The following NRP2 variants were observed in gnomAD, a reference collection of about 807,000 sequenced individuals.
NRP2 encodes the protein neuropilin-2.
A neutral mutation model predicts 110.4 loss-of-function variants in NRP2; 52 were observed. That is an observed-to-expected ratio of 0.47 (90% CI 0.38 to 0.59). The LOEUF is 0.59. NRP2 is among the 20% of genes least tolerant of loss of function. The pLI is 0.00. For synonymous variants in NRP2, 508 were observed against 468.9 expected (o/e 1.08, Z -1.08); for missense variants, 1,049 against 1,203.0 (o/e 0.87, Z 1.89).
Position 205,752,890 on chromosome 2 carries a change from G to A in NRP2, c.1959G>A (p.Glu653=), listed in dbSNP as rs752574768. 2 of 1,614,104 alleles carry A rather than the reference G, an allele frequency of 1.2e-6. No homozygotes were observed. The highest frequency in any genetic ancestry group is 2.7e-5 in the African/African-American group (2 of 74,930). ...ATTGCAACTTCGATTTCCTCGAGGA[G>A]CCCTGTGGTTGGATGTATGACCATG... ...GFNCNFDFLE[E]PCGWMYDHAK... Residue 653 remains glutamate, a synonymous_variant, in exon 12 of 17, where the codon GAG becomes GAA. Transcript: ENST00000357785.
chr2:205,754,496 C>T (rs1354677446), intron 12 of NRP2, among the ~76,000 whole-genome samples: 1 of 152,160 alleles, frequency 6.6e-6, no homozygotes, highest in African/African-American at 2.4e-5. Context: ...ATCACCACAG[C>T]CTCAGGCAAA....
chr2:205,777,022 G>T (rs978938824), intron 15 of NRP2: 8 of 1,025,212 alleles, frequency 7.8e-6, no homozygotes, highest in Non-Finnish European at 9.4e-6. Flanking sequence ...GTGTTTGGGC[G>T]AGGGGTGAGT....
chr2:205,764,088 C>T, intron 13 of NRP2, 152 bp downstream of exon 13: 1 of 959,152 alleles, frequency 1.0e-6, no homozygotes, highest in Non-Finnish European at 1.5e-6. Context: ...ATTTGTTATT[C>T]AGAATATGCC....
chr2:205,733,352 A>G (rs1449663583), intron 7 of NRP2, among the ~76,000 whole-genome samples: 2 of 152,188 alleles, frequency 1.3e-5, no homozygotes, highest in Non-Finnish European at 2.9e-5. Context: ...GAGGCCAGTG[A>G]CAAGGAGCAC....
intron 3 of NRP2, 119 bp downstream of exon 3, chr2:205,716,493 G>A (rs2056898786): frequency 1.0e-6 from 1 of 955,698 alleles, no homozygotes; most frequent in Non-Finnish European, 1.6e-6. Flanking sequence ...TGAGCATGGT[G>A]AGAGGTTCAA....
intron 15 of NRP2, among the ~76,000 whole-genome samples, chr2:205,788,402 G>A (rs1431578446): frequency 2.6e-5 from 4 of 152,186 alleles, no homozygotes; most frequent in Admixed American, 1.3e-4. Flanking sequence ...GCTGGGGAAG[G>A]GATGGGTGTT....
chr2:205,794,896 C>G lies in NRP2; in HGVS notation c.2619C>G (p.Leu873=). The stretch of plus-strand genomic sequence containing the variant: ...TCGCCATGAGCTCACTGGGCGTCCT[C>G]CTGGGGGCCACCTGTGCAGGCCTCC... The part of the protein sequence containing the change: ...TIIAMSSLGV[L]LGATCAGLLL... Residue 873 remains leucine, a synonymous_variant, in exon 17 of 17, where the codon CTC becomes CTG. Transcript: ENST00000357785. 1 of 1,614,192 alleles carries G rather than the reference C, an allele frequency of 6.2e-7. No homozygotes were observed. Among genetic ancestry groups the G allele is most frequent in the Non-Finnish European group, 8.5e-7 (1 of 1,180,034 alleles).
At chr2:205,693,990 T>C (rs1296644031) in intron 1 of NRP2, among the ~76,000 whole-genome samples, 1 of 152,246 alleles carries the variant, frequency 6.6e-6, no homozygotes, top group Non-Finnish European at 1.5e-5. Context: ...GCAGACCAGA[T>C]TTTTAAAAGA....
chr2:205,683,866 G>T (rs2105849706), intron 1 of NRP2, among the ~76,000 whole-genome samples: 1 of 152,290 alleles, frequency 6.6e-6, no homozygotes, highest in South Asian at 2.1e-4. Context: ...TTTGGAGAAT[G>T]ACTGGTTATG....
At chr2:205,765,644 G>T in intron 14 of NRP2, 74 bp downstream of exon 14, 1 of 1,299,882 alleles carries the variant, frequency 7.7e-7, no homozygotes, top group Non-Finnish European at 1.1e-6. Context: ...GAGGAGGCAG[G>T]ACACCATTTT....
Position 205,743,252 on chromosome 2 carries a change from C to T in NRP2, c.1341C>T (p.Asp447=), listed in dbSNP as rs1481384415. 6.2e-7 allele frequency: 1 copy of T among 1,613,968 alleles called. No individual in the cohort carries two copies. The highest frequency in any genetic ancestry group is 1.3e-5 in the African/African-American group (1 of 74,936). The change falls in exon 9 of 17, where the codon GAC becomes GAT. Residue 447 remains aspartate, a synonymous_variant. Coordinates refer to ENST00000357785, the MANE Select transcript of NRP2 (RefSeq NM_003872.3). The part of the protein sequence containing the change: ...MLGMLSGLIA[D]SQISASSTQE... ...GGATGCTCTCAGGCCTCATTGCAGA[C>T]TCCCAGATCTCCGCCTCTTCCACCC...
At chr2:205,745,021 A>G (rs1220417914) in intron 9 of NRP2, among the ~76,000 whole-genome samples, 1 of 152,212 alleles carries the variant, frequency 6.6e-6, no homozygotes, top group African/African-American at 2.4e-5. Flanking sequence ...TCTGGGGGCT[A>G]ATCAGCTGCA....
intron 1 of NRP2, among the ~76,000 whole-genome samples, chr2:205,690,703 T>C (rs762565472): frequency 1.3e-5 from 2 of 151,350 alleles, no homozygotes; most frequent in Non-Finnish European, 2.9e-5. Flanking sequence ...TCGCTTAAAC[T>C]TGGGAGGCGG....
At chr2:205,743,762 T>TTGTA in intron 9 of NRP2, 1 of 1,143,664 alleles carries the variant, frequency 8.7e-7, no homozygotes, top group Non-Finnish European at 1.2e-6. Context: ...GTTTGTTTGT[T>TTGTA]TTTGAGATGG....
At chr2:205,748,342 C>T (rs770943369) in intron 10 of NRP2, among the ~76,000 whole-genome samples, 1 of 152,308 alleles carries the variant, frequency 6.6e-6, no homozygotes, top group East Asian at 1.9e-4. Context: ...AATACTTTGA[C>T]AGGGCTGCTT....
At chr2:205,785,609 G>A (rs2058227584) in intron 15 of NRP2, among the ~76,000 whole-genome samples, 1 of 152,214 alleles carries the variant, frequency 6.6e-6, no homozygotes, top group South Asian at 2.1e-4. Flanking sequence ...CAGCTTTGCT[G>A]TGTTTTTCCA....
chr2:205,727,118 A>ATGT (rs2057142603), intron 6 of NRP2, among the ~76,000 whole-genome samples: 1 of 152,166 alleles, frequency 6.6e-6, no homozygotes, highest in Non-Finnish European at 1.5e-5. Context: ...ACTTATTCAA[A>ATGT]TGTTTAGTAA....
Position 205,752,992 on chromosome 2 carries a change from T to A in NRP2, c.2044+17T>A. 3 of 1,612,556 alleles carry A rather than the reference T, an allele frequency of 1.9e-6. No homozygotes were observed. The highest frequency in any genetic ancestry group is 2.5e-6 in the Non-Finnish European group (3 of 1,179,930). On this transcript the variant is annotated intron_variant, in intron 12 of 16. Transcript: ENST00000357785. ...CGTTTCCAGGTAAGCCAGCTGTGAG[T>A]GAAGATATGAAAGAGTTAAGGCCAG...
intron 7 of NRP2, among the ~76,000 whole-genome samples, chr2:205,728,441 G>A (rs188071267): frequency 3.3e-5 from 5 of 152,242 alleles, no homozygotes; most frequent in East Asian, 1.9e-4. Flanking sequence ...AGGAGTTACC[G>A]AGCTCTGGAA....
Sources: allele counts gnomAD v4.1 joint callset (sites outside exome capture counted in the v4.1 genomes callset), GRCh38; gene constraint gnomAD v4.1.1; transcripts MANE v1.5; gene names NCBI Gene and HGNC (gene_info 2026-07-23, HGNC 2026-07-21).